The following MACROD2 variants were observed in gnomAD, a reference collection of about 807,000 sequenced individuals.
MACROD2 encodes mono-ADP ribosylhydrolase 2, also known as ADP-ribose glycohydrolase MACROD2.
A neutral mutation model predicts 70.4 loss-of-function variants in MACROD2; 36 were observed. That is an observed-to-expected ratio of 0.51 (90% CI 0.39 to 0.68). MACROD2 has a LOEUF of 0.68. MACROD2 is among the 30% of genes least tolerant of loss of function. The probability of loss-of-function intolerance (pLI) is 0.00; values close to 1 mark genes in which losing one functional copy is unlikely to be tolerated. For synonymous variants in MACROD2, 172 were observed against 178.8 expected, an observed-to-expected ratio of 0.96 and a Z score of 0.30; for missense variants, 496 against 538.4, an observed-to-expected ratio of 0.92 and a Z score of 0.78.
intron 7 of MACROD2, among the ~76,000 whole-genome samples, chr20:15,467,668 T>A (rs2046912529): frequency 6.6e-6 from 1 of 152,240 alleles, no homozygotes; most frequent in East Asian, 1.9e-4. Context: ...ATGTGGTTAA[T>A]GAATTTTGCA....
At chr20:15,364,213 G>A (rs145581897) in intron 6 of MACROD2, among the ~76,000 whole-genome samples, 89 of 152,188 alleles carry the variant, frequency 5.8e-4, no homozygotes, top group African/African-American at 1.5e-3. Context: ...AAGATTTTCC[G>A]CCTTTCTTAC....
At chr20:14,475,263 C>T (rs1345338484) in intron 3 of MACROD2, among the ~76,000 whole-genome samples, 4 of 151,994 alleles carry the variant, frequency 2.6e-5, no homozygotes, top group Non-Finnish European at 5.9e-5. Context: ...AACTCCATTC[C>T]CTCCAATATT....
intron 3 of MACROD2, among the ~76,000 whole-genome samples, chr20:14,213,216 A>T (rs1010038129): frequency 6.6e-6 from 1 of 151,596 alleles, no homozygotes. Flanking sequence ...TATTTTTAAA[A>T]CTCACTATAG....
At chr20:14,505,810 G>A (rs761904621) in intron 4 of MACROD2, among the ~76,000 whole-genome samples, 3 of 152,176 alleles carry the variant, frequency 2.0e-5, no homozygotes, top group Non-Finnish European at 4.4e-5. Context: ...GGTTATGGCA[G>A]AGTGAGGAGA....
intron 2 of MACROD2, among the ~76,000 whole-genome samples, chr20:14,013,674 CTT>C (rs34386274): frequency 0.13 from 9,153 of 68,770 alleles, 43 homozygotes; most frequent in Admixed American, 0.16. Context: ...TTATATTAAG[CTT>C]TTTTTTTTTT....
chr20:15,110,215 A>G (rs541506385), intron 5 of MACROD2, among the ~76,000 whole-genome samples: 69 of 152,214 alleles, frequency 4.5e-4, no homozygotes, highest in African/African-American at 1.6e-3. Flanking sequence ...GAGGCCAGAA[A>G]GAACTTGAGG....
chr20:14,999,501 C>T (rs942671445), intron 5 of MACROD2, among the ~76,000 whole-genome samples: 2 of 152,056 alleles, frequency 1.3e-5, no homozygotes, highest in African/African-American at 4.8e-5. Flanking sequence ...AAGAAATTAG[C>T]CAGGCATGGT....
At chr20:15,031,919 C>T (rs2075277858) in intron 5 of MACROD2, among the ~76,000 whole-genome samples, 1 of 152,188 alleles carries the variant, frequency 6.6e-6, no homozygotes. Flanking sequence ...ATCAGCATGC[C>T]ATCCAGGGCA....
intron 8 of MACROD2, among the ~76,000 whole-genome samples, chr20:15,504,236 A>G (rs1480435942): frequency 6.6e-6 from 1 of 152,118 alleles, no homozygotes; most frequent in Admixed American, 6.6e-5. Flanking sequence ...AATTTACCCA[A>G]AGTCTGAACT....
chr20:15,111,548 A>G (rs1225475105), intron 5 of MACROD2, among the ~76,000 whole-genome samples: 4 of 152,192 alleles, frequency 2.6e-5, no homozygotes, highest in South Asian at 2.1e-4. Flanking sequence ...AGGCAAATCC[A>G]TAATAACTAC....
chr20:14,702,638 T>TGG (rs1491357481), intron 5 of MACROD2, among the ~76,000 whole-genome samples: 3 of 73,428 alleles, frequency 4.1e-5, no homozygotes, highest in East Asian at 6.4e-4. Flanking sequence ...TATATATATG[T>TGG]ATATATATAT....
At chr20:14,122,624 C>T (rs2054601312) in intron 3 of MACROD2, among the ~76,000 whole-genome samples, 1 of 151,994 alleles carries the variant, frequency 6.6e-6, no homozygotes, top group South Asian at 2.1e-4. Context: ...AATTCCTTCT[C>T]AAGGGGGTGT....
chr20:15,704,029 C>A (rs1467470), intron 8 of MACROD2, among the ~76,000 whole-genome samples: 30 of 152,160 alleles, frequency 2.0e-4, no homozygotes, highest in Non-Finnish European at 4.0e-4. Flanking sequence ...AGCATGAATA[C>A]CAGGGGGTGA....
intron 8 of MACROD2, among the ~76,000 whole-genome samples, chr20:15,544,527 A>T (rs74527242): frequency 0.022 from 3,405 of 152,278 alleles, 116 homozygotes; most frequent in African/African-American, 0.077. Context: ...ATTTCCTGGC[A>T]TGTTATTCAC....
chr20:14,470,335 C>T (rs950769311), intron 3 of MACROD2, among the ~76,000 whole-genome samples: 15 of 152,040 alleles, frequency 9.9e-5, no homozygotes, highest in Non-Finnish European at 1.6e-4. Context: ...AGATGCTAGC[C>T]GGAGCTCTCC....
At chr20:14,078,693 C>A (rs991263774) in intron 2 of MACROD2, among the ~76,000 whole-genome samples, 13 of 152,200 alleles carry the variant, frequency 8.5e-5, no homozygotes, top group African/African-American at 3.1e-4. Context: ...CAGGCGTGAG[C>A]CACCGTGCCC....
At chr20:14,928,327 G>A (rs944825035) in intron 5 of MACROD2, among the ~76,000 whole-genome samples, 8 of 152,136 alleles carry the variant, frequency 5.3e-5, no homozygotes, top group Admixed American at 3.3e-4. Context: ...AGATGTTTTT[G>A]TTCATTTGTA....
chr20:15,584,921 A>C (rs2048576614), intron 8 of MACROD2, among the ~76,000 whole-genome samples: 1 of 152,212 alleles, frequency 6.6e-6, no homozygotes, highest in South Asian at 2.1e-4. Flanking sequence ...CTAGCTTGAC[A>C]GAAAGGAATA....
At chr20:14,587,030 A>C (rs1487455070) in intron 4 of MACROD2, among the ~76,000 whole-genome samples, 1 of 151,946 alleles carries the variant, frequency 6.6e-6, no homozygotes, top group Non-Finnish European at 1.5e-5. Context: ...AATTTAGAGA[A>C]ACTAGATTTT....
Sources: allele counts gnomAD v4.1 joint callset (sites outside exome capture counted in the v4.1 genomes callset), GRCh38; gene constraint gnomAD v4.1.1; transcripts MANE v1.5; gene names NCBI Gene and HGNC (gene_info 2026-07-23, HGNC 2026-07-21).